Variants in TBXAS1 observed in about 807,000 individuals in gnomAD.
The protein encoded by TBXAS1 is thromboxane A synthase 1.
In TBXAS1, 48 loss-of-function variants were observed where a neutral mutation model predicts 60.7. The ratio of observed to expected loss-of-function variants is 0.79; its 90% CI spans 0.63 to 1.01. The LOEUF (loss-of-function observed/expected upper bound fraction) is 1.01, where lower values mean the gene tolerates loss of function less well. Ranked by LOEUF, TBXAS1 falls within the 50% of genes least tolerant of loss-of-function variation. TBXAS1 has a pLI of 0.00. For missense variants in TBXAS1, 685 were observed against 686.3 expected (o/e 1.00, Z 0.02); for synonymous variants, 287 against 269.7 (o/e 1.06, Z -0.63).
intron 4 of TBXAS1, among the ~76,000 whole-genome samples, chr7:139,923,811 C>A (rs1392442910): frequency 6.6e-6 from 1 of 152,152 alleles, no homozygotes; most frequent in Non-Finnish European, 1.5e-5. Flanking sequence ...CTCTTCCCAG[C>A]CTCTGGTAAC....
chr7:139,835,443 G>C (rs1177259514), intron 1 of TBXAS1, among the ~76,000 whole-genome samples: 1 of 152,138 alleles, frequency 6.6e-6, no homozygotes, highest in Admixed American at 6.5e-5. Context: ...CCATGATCAA[G>C]TTGGTTTCAT....
At chr7:139,973,047 G>A (rs1366715600) in intron 9 of TBXAS1, among the ~76,000 whole-genome samples, 2 of 151,912 alleles carry the variant, frequency 1.3e-5, no homozygotes, top group Non-Finnish European at 2.9e-5. Flanking sequence ...GGGAGATGGA[G>A]GCAGGTTGAA....
chr7:139,907,793 G>T (rs1805219496), intron 3 of TBXAS1, among the ~76,000 whole-genome samples: 1 of 151,946 alleles, frequency 6.6e-6, no homozygotes, highest in Non-Finnish European at 1.5e-5. Flanking sequence ...TAAAAAATAT[G>T]AATAATTAAA....
intron 11 of TBXAS1, among the ~76,000 whole-genome samples, chr7:140,016,093 C>G (rs1336441673): frequency 1.3e-5 from 2 of 152,230 alleles, no homozygotes; most frequent in African/African-American, 4.8e-5. Context: ...CTTTGGGAGG[C>G]CAAGGTGGGC....
At chr7:139,924,459 A>T (rs2117122158) in intron 4 of TBXAS1, among the ~76,000 whole-genome samples, 1 of 150,868 alleles carries the variant, frequency 6.6e-6, no homozygotes, top group East Asian at 2.0e-4. Flanking sequence ...TTTTTTTTTT[A>T]AACTGTCGAT....
At chr7:139,780,010 G>A (rs947576142) in intron 1 of TBXAS1, among the ~76,000 whole-genome samples, 3 of 152,152 alleles carry the variant, frequency 2.0e-5, no homozygotes, top group African/African-American at 4.8e-5. Context: ...AAAACAGCCC[G>A]AGATAGCGTG....
chr7:139,992,672 C>A (rs1185518418), intron 9 of TBXAS1, among the ~76,000 whole-genome samples: 1 of 152,124 alleles, frequency 6.6e-6, no homozygotes, highest in Non-Finnish European at 1.5e-5. Context: ...GCTCCCCAAG[C>A]CCTGGGGGCC....
At chr7:139,827,666 T>C (rs71543344), upstream of TBXAS1, among the ~76,000 whole-genome samples, 14,434 of 152,324 alleles carry the variant, frequency 0.095, 948 homozygotes, top group Non-Finnish European at 0.14. Context: ...GTTCTTGTAG[T>C]GGTGGCTTGG....
At chr7:139,953,652 G>A in intron 6 of TBXAS1, 196 bp downstream of exon 6, 1 of 573,304 alleles carries the variant, frequency 1.7e-6, no homozygotes, top group South Asian at 1.9e-5. Flanking sequence ...CAGAGCCAGG[G>A]TACGTGCGTC....
At chr7:139,978,835 C>T (rs1011788595) in intron 9 of TBXAS1, among the ~76,000 whole-genome samples, 9 of 150,334 alleles carry the variant, frequency 6.0e-5, no homozygotes, top group Non-Finnish European at 1.0e-4. Context: ...CGTGCTCGTA[C>T]TCCCAGCTAC....
At chr7:139,805,907 G>A (rs1162364830) in intron 4 of TBXAS1, among the ~76,000 whole-genome samples, 3 of 145,074 alleles carry the variant, frequency 2.1e-5, no homozygotes, top group East Asian at 4.0e-4. Flanking sequence ...CTACAGGTGT[G>A]CACCACCATG....
chr7:139,903,859 G>A (rs1016401956), intron 3 of TBXAS1, among the ~76,000 whole-genome samples: 3 of 151,838 alleles, frequency 2.0e-5, no homozygotes, highest in African/African-American at 7.3e-5. Flanking sequence ...TTAGTCCTTT[G>A]TCAGATATAT....
intron 1 of TBXAS1, among the ~76,000 whole-genome samples, chr7:139,845,452 T>C (rs1799735116): frequency 6.6e-6 from 1 of 152,102 alleles, no homozygotes; most frequent in Admixed American, 6.6e-5. Flanking sequence ...TTCATTTGGG[T>C]GAGAACTTCT....
intron 3 of TBXAS1, among the ~76,000 whole-genome samples, chr7:139,898,648 G>A (rs1159574646): frequency 6.6e-6 from 1 of 152,078 alleles, no homozygotes. Context: ...GATGTGGGGG[G>A]TGTTGGGCTC....
intron 3 of TBXAS1, among the ~76,000 whole-genome samples, chr7:139,891,599 G>A (rs773111077): frequency 2.4e-4 from 37 of 152,014 alleles, no homozygotes; most frequent in African/African-American, 1.5e-4. Context: ...ATAACAATAC[G>A]TAACATAATT....
In TBXAS1 at chr7:139,950,366, C is replaced by T. The variant is rs772151719; in HGVS notation, c.451-3002C>T. The stretch of plus-strand genomic sequence containing the variant: ...ATGGGATTTTAATGAGTGAGTACAT[C>T]TTTTGCTCCCCCACAGTGTTCAAAC... On this transcript the variant is annotated intron_variant, in intron 5 of 12. Coordinates refer to ENST00000448866, the MANE Select transcript of TBXAS1 (RefSeq NM_001061.7). Among the ~76,000 whole-genome samples the T allele has an allele frequency of 7.0e-4, 107 of 152,190 alleles. 1 individual carries two copies. The highest frequency in any genetic ancestry group is 3.3e-3 in the Admixed American group (50 of 15,286).
chr7:139,884,607 A>G (rs1802939054), intron 3 of TBXAS1, among the ~76,000 whole-genome samples: 1 of 152,138 alleles, frequency 6.6e-6, no homozygotes, highest in South Asian at 2.1e-4. Flanking sequence ...GCAGCGTTTA[A>G]AGAGTAAGAT....
chr7:139,865,053 C>T (rs1801251410), intron 1 of TBXAS1, among the ~76,000 whole-genome samples: 1 of 152,154 alleles, frequency 6.6e-6, no homozygotes, highest in South Asian at 2.1e-4. Context: ...AGGGCATAGC[C>T]TAGTTACTAC....
chr7:139,921,657 C>G (rs964636194), intron 4 of TBXAS1, among the ~76,000 whole-genome samples: 1 of 152,206 alleles, frequency 6.6e-6, no homozygotes, highest in African/African-American at 2.4e-5. Context: ...GAGCTATGAT[C>G]GTGCCACTGC....
Sources: gnomAD v4.1 joint callset for allele counts (sites outside exome capture counted in the v4.1 genomes callset) on GRCh38, gnomAD v4.1.1 for gene constraint, MANE v1.5 for transcripts, NCBI Gene and HGNC (gene_info 2026-07-23, HGNC 2026-07-21) for gene names.